USB1: variants seen among roughly 807,000 people sequenced by gnomAD.
USB1 encodes U6 snRNA biogenesis phosphodiesterase 1, also known as U6 snRNA phosphodiesterase 1.
A neutral mutation model predicts 29.9 loss-of-function variants in USB1; 21 were observed. The observed-to-expected ratio is 0.70, with a 90% CI of 0.50 to 1.01. The LOEUF is 1.01. USB1 is among the 50% of genes least tolerant of loss of function. The probability of loss-of-function intolerance (pLI) is 0.00; values close to 1 mark genes in which losing one functional copy is unlikely to be tolerated. For missense variants in USB1, 330 were observed against 347.1 expected (o/e 0.95, Z 0.39); for synonymous variants, 143 against 134.9 (o/e 1.06, Z -0.42).
At chr16:58,012,342 A>G (rs1567421143) in intron 3 of USB1, 2 of 1,534,384 alleles carry the variant, frequency 1.3e-6, no homozygotes, top group East Asian at 2.4e-5. Context: ...CCATGCCAGA[A>G]GCCCAACCCA....
intron 4 of USB1, 103 bp from the exon 5 acceptor site, chr16:58,017,231 C>A: frequency 9.9e-7 from 1 of 1,012,592 alleles, no homozygotes; most frequent in Non-Finnish European, 1.6e-6. Context: ...GTGAGACCCA[C>A]GGCCCAGGCC....
intron 2 of USB1, among the ~76,000 whole-genome samples, chr16:58,002,968 G>T (rs909581207): frequency 2.0e-5 from 3 of 152,180 alleles, no homozygotes; most frequent in African/African-American, 4.8e-5. Flanking sequence ...CCCTGGGTAC[G>T]CTGGGTGTGC....
At chr16:58,006,655 TC>T (rs937035777) in intron 2 of USB1, among the ~76,000 whole-genome samples, 1 of 152,118 alleles carries the variant, frequency 6.6e-6, no homozygotes, top group African/African-American at 2.4e-5. Flanking sequence ...CAAGACTCTG[TC>T]TTGGGGAAAA....
At chr16:58,018,811 T>C (rs1224171832) in intron 5 of USB1, among the ~76,000 whole-genome samples, 161 bp from the exon 6 acceptor site, 8 of 152,194 alleles carry the variant, frequency 5.3e-5, no homozygotes, top group Admixed American at 3.9e-4. Flanking sequence ...GTTTTGTCTG[T>C]CTGTGGAGGG....
intron 4 of USB1, chr16:58,015,196 A>C (rs1963588631): frequency 6.6e-6 from 1 of 152,188 alleles, no homozygotes. Context: ...AAACCTGTGA[A>C]AGTCAGGAAA....
At chr16:58,017,704 A>G (rs756295938) in intron 5 of USB1, among the ~76,000 whole-genome samples, 3 of 151,990 alleles carry the variant, frequency 2.0e-5, no homozygotes, top group Admixed American at 6.6e-5. Context: ...TCTGCTCCAT[A>G]ATGTTCCCGT....
At chr16:58,008,450 T>A (rs1963410527) in intron 2 of USB1, among the ~76,000 whole-genome samples, 1 of 131,148 alleles carries the variant, frequency 7.6e-6, no homozygotes, top group Admixed American at 8.2e-5. Flanking sequence ...TCTTTTTCTT[T>A]TTCTTTTTTT....
Position 58,017,324 on chromosome 16 carries a change from C to T in USB1, c.504-10C>T, listed in dbSNP as rs1452643875. The T allele has an allele frequency of 6.2e-7, 1 of 1,612,874 alleles. No individual in the cohort carries two copies. The highest frequency in any genetic ancestry group is 2.2e-5 in the East Asian group (1 of 44,886). The stretch of plus-strand genomic sequence containing the variant: ...TACATCTCATGCCTGCGTTGTCTTC[C>T]TCTCCCCAGGACCTTTATTGGGCTT... On this transcript the variant is annotated splice_polypyrimidine_tract_variant and intron_variant, in intron 4 of 6. Coordinates refer to ENST00000219281, the MANE Select transcript of USB1 (RefSeq NM_024598.4).
chr16:58,002,456 AT>A, intron 1 of USB1, 22 bp from the exon 2 acceptor site: 1 of 1,613,052 alleles, frequency 6.2e-7, no homozygotes, highest in East Asian at 2.2e-5. Flanking sequence ...AAATGTACTC[AT>A]TTTTCTTTTT....
At chr16:58,000,453 C>G (rs1476475157), upstream of USB1, 1 of 150,110 alleles carries the variant, frequency 6.7e-6, no homozygotes, top group African/African-American at 2.4e-5. The surrounding 1 kb of genome is among the most constrained non-coding windows in gnomAD (Gnocchi z 4.5). Flanking sequence ...ACCAGCTGCT[C>G]TCTCGGCCGC....
At chr16:58,012,021 G>A in intron 3 of USB1, 8 of 1,194,022 alleles carry the variant, frequency 6.7e-6, no homozygotes, top group Non-Finnish European at 7.3e-6. Context: ...TTGCACAAAA[G>A]CCTGATGTGT....
In USB1 at chr16:58,013,720, G is replaced by A; in HGVS notation, c.450-553G>A. 1.4e-6 allele frequency: 1 copy of A among 740,226 alleles called. No individual in the cohort carries two copies. 45.9% of individuals were successfully genotyped at this position (740,226 alleles called of 1,614,324 possible). On this transcript the variant is annotated intron_variant, in intron 3 of 6. Transcript: ENST00000219281. This position sits in a 1 kb window ranked among gnomAD's most constrained non-coding sequence, Gnocchi z 4.3. The stretch of plus-strand genomic sequence containing the variant: ...CAGGCAGACTGACTGTTCCAATCCT[G>A]GCTCACCAAATTCAGCTTCACCATG...
Position 58,009,927 on chromosome 16 carries a change from A to G in USB1, c.266-2A>G. 6.2e-7 allele frequency: 1 copy of G among 1,613,870 alleles called. No homozygotes were observed. The highest frequency in any genetic ancestry group is 1.3e-5 in the African/African-American group (1 of 74,946). On this transcript the variant is annotated splice_acceptor_variant, in intron 2 of 6. Transcript: ENST00000219281. LOFTEE classifies it high-confidence loss of function. ...CCCGCCCTCTTTACTCCTCCCCTCC[A>G]GATGAAGCCAAGGAGGAGTTCCTGG...
At position 58,001,543 on chromosome 16, in the gene USB1, CG is replaced by C. The variant is rs747958554; in HGVS notation, c.63del (p.Met22CysfsTer29). The C allele has an allele frequency of 3.2e-5, 51 of 1,609,456 alleles. No individual in the cohort carries two copies. The highest frequency in any genetic ancestry group is 4.2e-5 in the Non-Finnish European group (50 of 1,178,496). On this transcript the variant is annotated frameshift_variant, in exon 1 of 7. Coordinates refer to ENST00000219281, the MANE Select transcript of USB1 (RefSeq NM_024598.4). LOFTEE classifies it high-confidence loss of function. ...SSGSEDESED[G>X]MRTRPGDGSH... Reference sequence around the variant, plus strand: ...GCGGCTCCGAGGATGAGTCCGAGGACGGGATGCGGACCAGGCCGGGGGATGG... The same window carrying C: ...GCGGCTCCGAGGATGAGTCCGAGGACGGATGCGGACCAGGCCGGGGGATGG...
intron 3 of USB1, chr16:58,010,965 G>T (rs1203703615): frequency 1.4e-6 from 1 of 700,692 alleles, no homozygotes; most frequent in African/African-American, 1.7e-5. Context: ...AGGGTAGGGG[G>T]TGGGGCTGAA....
In USB1 at chr16:58,020,213, G is replaced by A; in HGVS notation, c.766G>A (p.Gly256Arg). 6.2e-7 allele frequency: 1 copy of A among 1,614,134 alleles called. No homozygotes were observed. Among genetic ancestry groups the A allele is most frequent in the Non-Finnish European group, 8.5e-7 (1 of 1,180,020 alleles). ...CACTGAGCAAGTCCGCTGCAAGTCT[G>A]GGAACAAGTTCTTCTCGATGCCTTT... ...VHTEQVRCKS[G>R]NKFFSMPLK Residue 256 changes from glycine (G) to arginine (R), a missense_variant, in exon 7 of 7, where the codon GGG (glycine) becomes AGG (arginine). Gly to Arg is a moderately radical substitution (Grantham distance 125). Coordinates refer to ENST00000219281, the MANE Select transcript of USB1 (RefSeq NM_024598.4).
At position 58,001,589 on chromosome 16, in the gene USB1, G is replaced by A; in HGVS notation, c.98+8G>A. 3.1e-6 allele frequency: 5 copies of A among 1,601,628 alleles called. No homozygotes were observed. The highest frequency in any genetic ancestry group is 4.3e-6 in the Non-Finnish European group (5 of 1,174,764). ...GGATGGGAGCCACCGTCGGTGAGGAGTGAGGAAGTCTCTCCGGAGGGCGCG... is the reference window on the plus strand; with the variant it reads ...GGATGGGAGCCACCGTCGGTGAGGAATGAGGAAGTCTCTCCGGAGGGCGCG... On this transcript the variant is annotated splice_region_variant and intron_variant, in intron 1 of 6. Coordinates refer to ENST00000219281, the MANE Select transcript of USB1 (RefSeq NM_024598.4).
chr16:58,012,401 T>C lies in USB1; in HGVS notation c.450-1872T>C, dbSNP rs1963515737. Reference sequence around the variant, plus strand: ...TTTATAGGCTGGTATAACTAAAAGATTCAGAGGTAGCACTGGCTCATGCAT... The same window carrying C: ...TTTATAGGCTGGTATAACTAAAAGACTCAGAGGTAGCACTGGCTCATGCAT... On this transcript the variant is annotated intron_variant, in intron 3 of 6. Transcript: ENST00000219281. 6 of 1,435,486 alleles carry C rather than the reference T, an allele frequency of 4.2e-6. No individual in the cohort carries two copies. In the East Asian group the frequency reaches 1.5e-4, roughly 35 times the overall value. The allele number at this position is 1,435,486 out of a possible 1,614,324, so 88.9% of individuals were successfully genotyped here.
chr16:58,014,179 T>G, intron 3 of USB1, 94 bp from the exon 4 acceptor site: 1 of 1,000,410 alleles, frequency 1.0e-6, no homozygotes, highest in South Asian at 1.4e-5. Context: ...ATGAGTTAAC[T>G]ATATTTTCAA....
Sources: allele counts gnomAD v4.1 joint callset (sites outside exome capture counted in the v4.1 genomes callset), GRCh38; gene constraint gnomAD v4.1.1; non-coding constraint Gnocchi (gnomAD v3.1); transcripts MANE v1.5; gene names NCBI Gene and HGNC (gene_info 2026-07-23, HGNC 2026-07-21).